The following CHD6 variants were observed in gnomAD, a reference collection of about 807,000 sequenced individuals.
CHD6 encodes chromodomain helicase DNA binding protein 6.
In CHD6, 50 loss-of-function variants were observed where a neutral mutation model predicts 276.9. The ratio of observed to expected loss-of-function variants is 0.18; its 90% CI spans 0.14 to 0.23. The LOEUF is 0.23. CHD6 is among the 10% of genes least tolerant of loss of function. The probability of loss-of-function intolerance (pLI) is 1.00; values close to 1 mark genes in which losing one functional copy is unlikely to be tolerated. For synonymous variants in CHD6, 1,173 were observed against 1,229.3 expected (o/e 0.95, Z 0.96); for missense variants, 2,564 against 3,365.8 (o/e 0.76, Z 5.89).
chr20:41,487,866 T>C, intron 13 of CHD6, 58 bp from the exon 14 acceptor site: 1 of 1,563,830 alleles, frequency 6.4e-7, no homozygotes, highest in Non-Finnish European at 8.6e-7. Flanking sequence ...TAGTGCATTT[T>C]CGTGGGGAAA....
intron 2 of CHD6, among the ~76,000 whole-genome samples, chr20:41,546,660 AAT>A (rs529414410): frequency 6.0e-4 from 92 of 152,354 alleles, no homozygotes; most frequent in Non-Finnish European, 1.1e-3. Flanking sequence ...ATTATACATC[AAT>A]AGTGCCACAT....
intron 28 of CHD6, 30 bp from the exon 29 acceptor site, chr20:41,425,424 T>G (rs1216164095): frequency 6.3e-7 from 1 of 1,586,166 alleles, no homozygotes; most frequent in Non-Finnish European, 8.6e-7. Context: ...TATTAGTATT[T>G]ACAAACAGAA....
rs568539548 is a variant in CHD6, at chr20:41,489,150, T to C, written c.1681-546A>G. Among the ~76,000 whole-genome samples the C allele has an allele frequency of 3.9e-4, 60 of 152,344 alleles. 1 individual carries two copies. The South Asian group carries it at 1.0e-2, about 25-fold the overall frequency. ...TTTCAAGAGCAGAGCTGCATCATGT[T>C]AGAGCACTTCTTAAATGTCTTCCAA... On this transcript the variant is annotated intron_variant, in intron 12 of 36. Transcript: ENST00000373233.
intron 11 of CHD6, among the ~76,000 whole-genome samples, chr20:41,491,228 C>T (rs1250133152): frequency 6.6e-6 from 1 of 151,484 alleles, no homozygotes; most frequent in African/African-American, 2.4e-5. Context: ...AACTTTTTGA[C>T]TCTTAAGTGT....
At chr20:41,500,007 T>A (rs2043793671) in intron 5 of CHD6, among the ~76,000 whole-genome samples, 1 of 152,206 alleles carries the variant, frequency 6.6e-6, no homozygotes. Context: ...TTACCCTAGA[T>A]AACCATCAAC....
At chr20:41,485,192 C>T (rs747946531) in intron 14 of CHD6, among the ~76,000 whole-genome samples, 2 of 152,182 alleles carry the variant, frequency 1.3e-5, no homozygotes, top group Non-Finnish European at 2.9e-5. Flanking sequence ...TGATGGTGTT[C>T]TTTGCTACAA....
chr20:41,405,384 C>A lies in CHD6; in HGVS notation c.7357G>T (p.Ala2453Ser), dbSNP rs772474075. The A allele has an allele frequency of 4.3e-6, 7 of 1,614,064 alleles. No homozygotes were observed. The highest frequency in any genetic ancestry group is 2.7e-5 in the African/African-American group (2 of 74,940). ...GRRPRSELLK[A>S]PSIVADSPSG... Reference sequence around the variant, plus strand: ...GGAGAGTCTGCCACAATGGAAGGAGCCTTCAGGAGTTCGCTCCGAGGCCGC... The same window carrying A: ...GGAGAGTCTGCCACAATGGAAGGAGACTTCAGGAGTTCGCTCCGAGGCCGC... The change falls in exon 37 of 37, where the codon GCT becomes TCT. Residue 2453 changes from alanine to serine, a missense_variant. Transcript: ENST00000373233.
At chr20:41,555,387 C>G (rs1439019758) in intron 1 of CHD6, among the ~76,000 whole-genome samples, 1 of 139,960 alleles carries the variant, frequency 7.1e-6, no homozygotes, top group Non-Finnish European at 1.6e-5. Context: ...CCCTCCCGGA[C>G]GGGGCGGCTG....
intron 3 of CHD6, among the ~76,000 whole-genome samples, chr20:41,527,580 C>G (rs748592200): frequency 5.6e-4 from 85 of 152,308 alleles, no homozygotes; most frequent in Middle Eastern, 3.4e-3. Flanking sequence ...TGAAATGGAT[C>G]ATCTTTCCTG....
chr20:41,411,336 G>A (rs1176948257), intron 36 of CHD6, among the ~76,000 whole-genome samples: 2 of 152,012 alleles, frequency 1.3e-5, no homozygotes, highest in African/African-American at 2.4e-5. Context: ...CAATCCCACC[G>A]AGAAGGGAAT....
chr20:41,543,565 T>A (rs979258433), intron 2 of CHD6, among the ~76,000 whole-genome samples: 1 of 152,188 alleles, frequency 6.6e-6, no homozygotes, highest in Non-Finnish European at 1.5e-5. Context: ...GAGAAACATA[T>A]CAAGAATAAA....
chr20:41,416,609 T>C lies in CHD6; in HGVS notation c.6465A>G (p.Ala2155=), dbSNP rs146355417. 5.1e-5 allele frequency: 82 copies of C among 1,612,848 alleles called. No homozygotes were observed. In the African/African-American group the frequency reaches 8.9e-4, roughly 18 times the overall value. The change falls in exon 33 of 37, where the codon GCA becomes GCG. Residue 2155 remains alanine, a synonymous_variant. Transcript: ENST00000373233. ...TCACCTTGTGGATCTGGGCCGCCAA[T>C]GCTGCGCCGTTGCTGAAGCTGTGTT... The part of the protein sequence containing the change: ...AAEHSFSNGA[A]LAAQIHKESF...
At chr20:41,406,022 T>A (rs1289122358) in intron 36 of CHD6, among the ~76,000 whole-genome samples, 3 of 152,126 alleles carry the variant, frequency 2.0e-5, no homozygotes, top group Non-Finnish European at 4.4e-5. Flanking sequence ...TGAGTTTAAG[T>A]AAAAAAGGAC....
chr20:41,614,166 G>C (rs1448918040), intron 1 of CHD6, among the ~76,000 whole-genome samples: 3 of 152,086 alleles, frequency 2.0e-5, no homozygotes, highest in Non-Finnish European at 4.4e-5. Context: ...CAATAAAGGG[G>C]TAAAAAAATG....
intron 1 of CHD6, chr20:41,564,301 T>C (rs902716919): frequency 4.3e-5 from 25 of 574,908 alleles, no homozygotes; most frequent in Non-Finnish European, 7.4e-5. Context: ...AACTCACAAC[T>C]CCCAATGTAA....
chr20:41,434,432 G>A (rs977003427), intron 27 of CHD6, among the ~76,000 whole-genome samples: 4 of 152,174 alleles, frequency 2.6e-5, no homozygotes, highest in African/African-American at 4.8e-5. Flanking sequence ...GTGCAGTGGC[G>A]TGATCATGGC....
intron 23 of CHD6, among the ~76,000 whole-genome samples, chr20:41,449,621 C>T (rs16985796): frequency 0.027 from 4,150 of 152,312 alleles, 190 homozygotes; most frequent in African/African-American, 0.094. Flanking sequence ...AGGTTTGTAA[C>T]ACCCTTGGTT....
At position 41,419,554 on chromosome 20, in the gene CHD6, CAAAAAAAAAAAAAAAAAAA is replaced by C. The variant is rs58696183; in HGVS notation, c.6127+935_6127+953del. Reference sequence around the variant, plus strand: ...TGGGTGACAGAGCAAGACTCTGTCTCAAAAAAAAAAAAAAAAAAAAAAAAAAAAAAAAAAAAAGGCTAGA... The same window carrying C: ...TGGGTGACAGAGCAAGACTCTGTCTCAAAAAAAAAAAAAAAAAAGGCTAGA... On this transcript the variant is annotated intron_variant, in intron 31 of 36. Coordinates refer to ENST00000373233, the MANE Select transcript of CHD6 (RefSeq NM_032221.5). 6.8e-4 allele frequency among the ~76,000 whole-genome samples: 16 copies of C among 23,470 alleles called. No individual in the cohort carries two copies. The East Asian group carries it at 0.013, about 19-fold the overall frequency. The allele number at this position is 23,470 out of a possible 152,430, so 15.4% of individuals were successfully genotyped here.
chr20:41,457,536 C>T (rs1175299445), intron 17 of CHD6, 108 bp from the exon 18 acceptor site: 32 of 1,279,154 alleles, frequency 2.5e-5, no homozygotes, highest in Non-Finnish European at 3.2e-5. Context: ...GGCCAACTCT[C>T]GGTTACAAGT....
Sources: gnomAD v4.1 joint callset for allele counts (sites outside exome capture counted in the v4.1 genomes callset) on GRCh38, gnomAD v4.1.1 for gene constraint, MANE v1.5 for transcripts, NCBI Gene and HGNC (gene_info 2026-07-23, HGNC 2026-07-21) for gene names.